The following STX17 variants were observed in gnomAD, a reference collection of about 807,000 sequenced individuals.
The protein encoded by STX17 is syntaxin-17.
Under a neutral mutation model 35.9 loss-of-function variants are expected in STX17, and 29 were observed. That is an observed-to-expected ratio of 0.81 (90% CI 0.60 to 1.10). The LOEUF is 1.10. Among genes scored for constraint, STX17 ranks in the 50% least tolerant of loss-of-function variants. The pLI is 0.00. For missense variants in STX17, 312 were observed against 352.3 expected (o/e 0.89, Z 0.92); for synonymous variants, 92 against 118.3 (o/e 0.78, Z 1.44).
chr9:99,932,351 A>G (rs1239655273), intron 3 of STX17, among the ~76,000 whole-genome samples: 2 of 151,638 alleles, frequency 1.3e-5, no homozygotes. Context: ...ATGAAGGAAA[A>G]CAGATTGATT....
chr9:99,969,799 T>A lies in STX17; in HGVS notation c.*1126T>A, dbSNP rs1029373834. The A allele has an allele frequency of 6.5e-6, 1 of 152,698 alleles. No homozygotes were observed. The highest frequency in any genetic ancestry group is 1.5e-5 in the Non-Finnish European group (1 of 68,086). 9.5% of individuals were successfully genotyped at this position (152,698 alleles called of 1,614,324 possible). A position where few individuals can be genotyped will look rare whatever the true frequency, so the allele number is the denominator to read the frequency against. On this transcript the variant is annotated 3_prime_UTR_variant, in exon 8 of 8. Coordinates refer to ENST00000259400, the MANE Select transcript of STX17 (RefSeq NM_017919.3). The stretch of plus-strand genomic sequence containing the variant: ...CTCCTATGCATCCCTTTGCTTTCTA[T>A]AGCTGGTGTTTCTTCCCCAAAATGG...
At chr9:99,964,673 C>T (rs773018809) in intron 6 of STX17, among the ~76,000 whole-genome samples, 4 of 152,014 alleles carry the variant, frequency 2.6e-5, no homozygotes, top group Non-Finnish European at 5.9e-5. Context: ...GCTCCTGCAC[C>T]ACCATTAATG....
intron 4 of STX17, among the ~76,000 whole-genome samples, chr9:99,959,674 G>A (rs534845218): frequency 5.1e-4 from 78 of 151,858 alleles, no homozygotes; most frequent in East Asian, 1.9e-3. Context: ...TTGCCCAGAC[G>A]GGTCTTGAAC....
chr9:99,911,534 C>G (rs1285808088), intron 1 of STX17, among the ~76,000 whole-genome samples: 1 of 152,062 alleles, frequency 6.6e-6, no homozygotes, highest in Non-Finnish European at 1.5e-5. Flanking sequence ...AGTGGGATTG[C>G]TGGATCATAT....
At chr9:99,931,008 G>A (rs975005918) in intron 3 of STX17, among the ~76,000 whole-genome samples, 16 of 151,836 alleles carry the variant, frequency 1.1e-4, no homozygotes, top group Non-Finnish European at 2.2e-4. Context: ...ATGGAGTCTC[G>A]CTCTTTCGCC....
In STX17 at chr9:99,967,694, C is replaced by A. The variant is rs769285069; in HGVS notation, c.624C>A (p.Asn208Lys). Residue 208 changes from asparagine (N) to lysine (K), a missense_variant, in exon 7 of 8, where the codon AAC becomes AAA. Coordinates refer to ENST00000259400, the MANE Select transcript of STX17 (RefSeq NM_017919.3). ...EKIDSIADHVNSAAVNVEEGT... is the reference protein window; with the variant it reads ...EKIDSIADHVKSAAVNVEEGT... ...TTGACAGCATTGCAGACCATGTCAA[C>A]AGTGCTGCTGTGAATGTTGAAGAGG... The A allele has an allele frequency of 1.2e-6, 2 of 1,613,744 alleles. No individual in the cohort carries two copies. The highest frequency in any genetic ancestry group is 2.2e-5 in the South Asian group (2 of 91,076).
chr9:99,927,622 C>G (rs1829015025), intron 2 of STX17, among the ~76,000 whole-genome samples: 1 of 152,086 alleles, frequency 6.6e-6, no homozygotes, highest in Admixed American at 6.6e-5. Context: ...TTACAGGCAC[C>G]TGCCATCATG....
At chr9:99,955,919 C>T (rs1829698983) in intron 4 of STX17, among the ~76,000 whole-genome samples, 1 of 152,134 alleles carries the variant, frequency 6.6e-6, no homozygotes, top group Admixed American at 6.5e-5. Flanking sequence ...TAATCTATCT[C>T]AGCGTTTTGC....
rs759816436 is a variant in STX17 at position 99,968,557 on chromosome 9, G to A, written c.793G>A (p.Gly265Arg). ...VAGIAAALGG[G>R]VLGFTGGKLI... is the part of the protein sequence containing the mutation. ...AGGAATTGCAGCTGCACTTGGTGGT[G>A]GGGTGTTGGGCTTCACAGGTGGAAA... The change falls in exon 8 of 8, where the codon GGG becomes AGG. Residue 265 changes from glycine (G) to arginine (R), a missense_variant. Transcript: ENST00000259400. 7 of 1,613,882 alleles carry A rather than the reference G, an allele frequency of 4.3e-6. No individual in the cohort carries two copies. The Admixed American group carries it at 1.2e-4, about 27-fold the overall frequency.
intron 6 of STX17, among the ~76,000 whole-genome samples, chr9:99,966,807 A>G (rs918901171): frequency 2.6e-5 from 4 of 152,240 alleles, no homozygotes; most frequent in African/African-American, 7.2e-5. Flanking sequence ...ATGTGTTCCT[A>G]CAGCAAGTAA....
chr9:99,966,236 T>G (rs1648018232), intron 6 of STX17, among the ~76,000 whole-genome samples: 2 of 152,306 alleles, frequency 1.3e-5, no homozygotes, highest in South Asian at 4.1e-4. Context: ...ACAGAGACAT[T>G]CAAAGGAAAA....
chr9:99,935,126 C>T (rs1407171463), intron 3 of STX17, among the ~76,000 whole-genome samples: 4 of 151,710 alleles, frequency 2.6e-5, no homozygotes. Flanking sequence ...GTCAGGAGAT[C>T]GAGACCATCC....
chr9:99,967,492 T>A, intron 6 of STX17, 161 bp from the exon 7 acceptor site: 1 of 358,870 alleles, frequency 2.8e-6, no homozygotes, highest in Non-Finnish European at 5.1e-6. Context: ...TGAAAGTTAA[T>A]TTGTCCTTTC....
At chr9:99,940,530 G>A (rs902323296) in intron 3 of STX17, among the ~76,000 whole-genome samples, 1 of 141,150 alleles carries the variant, frequency 7.1e-6, no homozygotes, top group Non-Finnish European at 1.5e-5. Context: ...GGAGTGCAGT[G>A]GCGTGATCTC....
chr9:99,952,496 G>A (rs1287988832), intron 4 of STX17, among the ~76,000 whole-genome samples: 2 of 152,140 alleles, frequency 1.3e-5, no homozygotes, highest in Non-Finnish European at 2.9e-5. Context: ...TCTAGAACTA[G>A]AAATATCATT....
At chr9:99,913,892 T>G (rs1320422856) in intron 1 of STX17, 1 of 152,230 alleles carries the variant, frequency 6.6e-6, no homozygotes, top group Non-Finnish European at 1.5e-5. Context: ...TATTTAATGT[T>G]TTGGGGATGA....
At chr9:99,937,355 C>T (rs139823719) in intron 3 of STX17, among the ~76,000 whole-genome samples, 2 of 152,296 alleles carry the variant, frequency 1.3e-5, no homozygotes, top group Admixed American at 6.5e-5. Flanking sequence ...CCCCTCCCTT[C>T]TCTTCTCCTT....
chr9:99,968,737 CA>C lies in STX17; in HGVS notation c.*65del. 1 of 1,561,956 alleles carries C rather than the reference CA, an allele frequency of 6.4e-7. No homozygotes were observed. The highest frequency in any genetic ancestry group is 8.7e-7 in the Non-Finnish European group (1 of 1,154,648). On this transcript the variant is annotated 3_prime_UTR_variant, in exon 8 of 8. Coordinates refer to ENST00000259400, the MANE Select transcript of STX17 (RefSeq NM_017919.3). ...CCTGAGGACCTTTGCTGCTGTTGGACACTCCGTCACCTTTTGGAACACAAGT... is the reference window on the plus strand; with the variant it reads ...CCTGAGGACCTTTGCTGCTGTTGGACCTCCGTCACCTTTTGGAACACAAGT...
chr9:99,935,727 A>G (rs998932946), intron 3 of STX17, among the ~76,000 whole-genome samples: 2 of 152,198 alleles, frequency 1.3e-5, no homozygotes, highest in African/African-American at 4.8e-5. Context: ...GAAGGTGTTG[A>G]GTGTTCTTTT....
Sources: gnomAD v4.1 joint callset for allele counts (sites outside exome capture counted in the v4.1 genomes callset) on GRCh38, gnomAD v4.1.1 for gene constraint, MANE v1.5 for transcripts, NCBI Gene and HGNC (gene_info 2026-07-23, HGNC 2026-07-21) for gene names.